The following URI1 variants were observed in gnomAD, a reference collection of about 807,000 sequenced individuals.
URI1 encodes the protein unconventional prefoldin RPB5 interactor 1.
In URI1, 39 loss-of-function variants were observed where a neutral mutation model predicts 60.2. The ratio of observed to expected loss-of-function variants is 0.65; its 90% CI spans 0.50 to 0.85. URI1 has a LOEUF of 0.85. Among genes scored for constraint, URI1 ranks in the 40% least tolerant of loss-of-function variants. The pLI, the probability that URI1 is intolerant of heterozygous loss-of-function variation, is 0.00. For missense variants in URI1, 691 were observed against 665.9 expected (o/e 1.04, Z -0.42); for synonymous variants, 251 against 236.8 (o/e 1.06, Z -0.55).
intron 1 of URI1, among the ~76,000 whole-genome samples, chr19:29,959,641 T>C (rs1183985314): frequency 6.6e-6 from 1 of 152,208 alleles, no homozygotes; most frequent in Non-Finnish European, 1.5e-5. Flanking sequence ...AAGCTTGTTG[T>C]CCCTCCGAGT....
chr19:29,996,252 A>G (rs77349006), intron 4 of URI1, among the ~76,000 whole-genome samples: 8 of 152,050 alleles, frequency 5.3e-5, no homozygotes, highest in Non-Finnish European at 1.5e-5. Context: ...TAGGATATCT[A>G]TTTATTTGTG....
At chr19:29,947,161 T>G (rs986033481) in intron 1 of URI1, among the ~76,000 whole-genome samples, 8 of 152,198 alleles carry the variant, frequency 5.3e-5, no homozygotes, top group Non-Finnish European at 1.0e-4. Context: ...ACCAGATCAT[T>G]GTAAGAGTTT....
chr19:29,991,323 G>GT (rs879402952), intron 4 of URI1, among the ~76,000 whole-genome samples: 11 of 152,120 alleles, frequency 7.2e-5, no homozygotes, highest in African/African-American at 2.7e-4. Context: ...GGTCATATGC[G>GT]TTTTGTTAGG....
Position 30,007,619 on chromosome 19 carries a change from T to C in URI1, c.667T>C (p.Leu223=), listed in dbSNP as rs755409558. 3.1e-6 allele frequency: 5 copies of C among 1,607,838 alleles called. No individual in the cohort carries two copies. The Admixed American group carries it at 6.8e-5, about 22-fold the overall frequency. The change falls in exon 7 of 11, where the codon TTG becomes CTG. Residue 223 remains leucine (L), a synonymous_variant. Coordinates refer to ENST00000392271, the MANE Select transcript of URI1 (RefSeq NM_003796.3). ...TGAAGAACTAGAGAGACAGGAAGAA[T>C]TGCTGGGTGAACTTGATAGGTACTT... ...RLEELERQEE[L]LGELDSKPDT...
At chr19:30,006,734 C>CTTCCCATTACT in intron 6 of URI1, among the ~76,000 whole-genome samples, 1 of 152,176 alleles carries the variant, frequency 6.6e-6, no homozygotes, top group South Asian at 2.1e-4. Flanking sequence ...TCTTAGACTT[C>CTTCCCATTACT]TTCCCATTAC....
intron 1 of URI1, among the ~76,000 whole-genome samples, chr19:29,929,029 TATC>T (rs2054893731): frequency 6.6e-6 from 1 of 152,212 alleles, no homozygotes; most frequent in African/African-American, 2.4e-5. Context: ...GTTTGCACAT[TATC>T]ATGGTCACTA....
At chr19:29,980,408 A>G (rs2055577929) in intron 2 of URI1, 1 of 151,918 alleles carries the variant, frequency 6.6e-6, no homozygotes, top group African/African-American at 2.4e-5. Flanking sequence ...AAGGTTATAT[A>G]TTGTATATAT....
chr19:29,992,966 GT>G (rs1394146419), intron 4 of URI1, among the ~76,000 whole-genome samples: 4 of 152,172 alleles, frequency 2.6e-5, no homozygotes, highest in African/African-American at 9.7e-5. Flanking sequence ...ATGTTAAACA[GT>G]TTTACTTATA....
intron 1 of URI1, among the ~76,000 whole-genome samples, chr19:29,924,744 G>T (rs780947656): frequency 1.3e-5 from 2 of 152,236 alleles, no homozygotes; most frequent in Non-Finnish European, 2.9e-5. Flanking sequence ...TGAGAGCCGG[G>T]GTGGGGCTCC....
intron 1 of URI1, among the ~76,000 whole-genome samples, chr19:29,961,772 A>G (rs1270766281): frequency 4.1e-5 from 6 of 147,226 alleles, no homozygotes; most frequent in South Asian, 2.1e-4. Flanking sequence ...TGCAACCTCT[A>G]TCTCCTGGGT....
At chr19:29,987,589 A>G (rs1244178694) in intron 4 of URI1, among the ~76,000 whole-genome samples, 1 of 152,210 alleles carries the variant, frequency 6.6e-6, no homozygotes, top group Non-Finnish European at 1.5e-5. Flanking sequence ...GCCTCTCTTT[A>G]TATACTGAAG....
At chr19:29,982,441 A>G (rs1416378925) in intron 2 of URI1, among the ~76,000 whole-genome samples, 9 of 152,212 alleles carry the variant, frequency 5.9e-5, no homozygotes, top group Non-Finnish European at 1.5e-5. Context: ...TGTTACCAAA[A>G]TAAGACTTAT....
In URI1 at chr19:30,007,472, AAACACCG is replaced by A; in HGVS notation, c.523_529del (p.His175LeufsTer23). ...CGTCTTTTCCTTTTTCTAAATAGCAAAACACCGAATTGCTCATAAACCGCATTCCAAA... is the reference window on the plus strand; with the variant it reads ...CGTCTTTTCCTTTTTCTAAATAGCAAAATTGCTCATAAACCGCATTCCAAA... On this transcript the variant is annotated frameshift_variant, in exon 7 of 11. Coordinates refer to ENST00000392271, the MANE Select transcript of URI1 (RefSeq NM_003796.3). LOFTEE classifies it high-confidence loss of function. 3 of 1,612,444 alleles carry A rather than the reference AAACACCG, an allele frequency of 1.9e-6. No homozygotes were observed. The highest frequency in any genetic ancestry group is 2.5e-6 in the Non-Finnish European group (3 of 1,179,136).
At chr19:29,935,943 C>T (rs537121763) in intron 1 of URI1, among the ~76,000 whole-genome samples, 9 of 151,902 alleles carry the variant, frequency 5.9e-5, no homozygotes, top group African/African-American at 1.2e-4. Context: ...CCCGCCACCA[C>T]GCCTGGCTAG....
Position 30,008,994 on chromosome 19 carries a change from T to C in URI1, c.687-11T>C. 1 of 1,563,544 alleles carries C rather than the reference T, an allele frequency of 6.4e-7. No homozygotes were observed. The highest frequency in any genetic ancestry group is 8.7e-7 in the Non-Finnish European group (1 of 1,152,168). ...TGTTTGTTTGATCTTGTTAATTTTC[T>C]TCCTTGCTAGTAAGCCTGATACTGT... On this transcript the variant is annotated splice_polypyrimidine_tract_variant and intron_variant, in intron 7 of 10. Transcript: ENST00000392271.
chr19:30,010,829 G>T lies in URI1; in HGVS notation c.1036-265G>T, dbSNP rs140233515. On this transcript the variant is annotated intron_variant, in intron 8 of 10. Transcript: ENST00000392271. ...AAGTTTATAAGAAATCTAGCATTTAGTTCAAATGTATTTTGCTTTCTCTAC... is the reference window on the plus strand; with the variant it reads ...AAGTTTATAAGAAATCTAGCATTTATTTCAAATGTATTTTGCTTTCTCTAC... 3.2e-4 allele frequency among the ~76,000 whole-genome samples: 48 copies of T among 152,256 alleles called. 1 individual carries two copies. Among genetic ancestry groups the T allele is most frequent in the African/African-American group, 1.1e-3 (47 of 41,566 alleles).
intron 1 of URI1, among the ~76,000 whole-genome samples, chr19:29,950,388 A>G (rs1294409253): frequency 6.7e-6 from 1 of 149,278 alleles, no homozygotes; most frequent in Non-Finnish European, 1.5e-5. Context: ...CCTTATCTCC[A>G]GAGTGATGTC....
chr19:29,957,003 CA>C, intron 1 of URI1: 1 of 726,602 alleles, frequency 1.4e-6, no homozygotes, highest in Non-Finnish European at 2.3e-6. Flanking sequence ...ACAGTAAACG[CA>C]GCAAAAAAAA....
At chr19:29,940,667 G>A (rs1187718415), upstream of URI1, among the ~76,000 whole-genome samples, 1 of 152,078 alleles carries the variant, frequency 6.6e-6, no homozygotes, top group Non-Finnish European at 1.5e-5. Flanking sequence ...GAAGCCTCCA[G>A]GAAGTCTCTG....
Sources: allele counts gnomAD v4.1 joint callset (sites outside exome capture counted in the v4.1 genomes callset), GRCh38; gene constraint gnomAD v4.1.1; transcripts MANE v1.5; gene names NCBI Gene and HGNC (gene_info 2026-07-23, HGNC 2026-07-21).